Variants in EIF2D observed in about 807,000 individuals in gnomAD.
The protein encoded by EIF2D is eukaryotic translation initiation factor 2D.
Under a neutral mutation model 77.4 loss-of-function variants are expected in EIF2D, and 56 were observed. The observed-to-expected ratio is 0.72, with a 90% CI of 0.58 to 0.90. EIF2D has a LOEUF of 0.90. Among genes scored for constraint, EIF2D ranks in the 40% least tolerant of loss-of-function variants. EIF2D has a pLI of 0.00. For synonymous variants in EIF2D, 230 were observed against 271.0 expected (o/e 0.85, Z 1.49); for missense variants, 574 against 706.5 (o/e 0.81, Z 2.13).
intron 4 of EIF2D, among the ~76,000 whole-genome samples, chr1:206,607,652 T>A (rs994198790): frequency 1.2e-4 from 18 of 151,598 alleles, no homozygotes; most frequent in Admixed American, 1.2e-3. Context: ...GATAATGATA[T>A]GCATATAGGG....
chr1:206,611,806 G>T (rs923251048), intron 1 of EIF2D, among the ~76,000 whole-genome samples: 5 of 152,184 alleles, frequency 3.3e-5, no homozygotes, highest in African/African-American at 1.2e-4. Flanking sequence ...ATCTCCATTT[G>T]TGACCCTGTC....
intron 2 of EIF2D, among the ~76,000 whole-genome samples, chr1:206,581,996 C>T (rs1217765927): frequency 1.3e-5 from 2 of 152,184 alleles, no homozygotes; most frequent in Non-Finnish European, 2.9e-5. Flanking sequence ...AGAGTCATCC[C>T]TCACTGGGCC....
At chr1:206,580,420 TCAGAGA>T in intron 4 of EIF2D, among the ~76,000 whole-genome samples, 1 of 152,278 alleles carries the variant, frequency 6.6e-6, no homozygotes, top group Middle Eastern at 3.4e-3. Context: ...CCTACATGCG[TCAGAGA>T]CAGAGTGAGT....
rs1553410378 is a variant in EIF2D at position 206,597,199 on chromosome 1, A to C, written c.1293-4T>G. 6.2e-7 allele frequency: 1 copy of C among 1,609,470 alleles called. No homozygotes were observed. Among genetic ancestry groups the C allele is most frequent in the Non-Finnish European group, 8.5e-7 (1 of 1,175,946 alleles). On this transcript the variant is annotated splice_polypyrimidine_tract_variant and splice_region_variant and intron_variant, in intron 11 of 14. Transcript: ENST00000271764. ...GATGGGATCCAATCTCACAAGACTAAAGGGAAAGAAGAGGCAATGAAGAAA... is the reference window on the plus strand; with the variant it reads ...GATGGGATCCAATCTCACAAGACTACAGGGAAAGAAGAGGCAATGAAGAAA...
chr1:206,582,650 C>T (rs993826671), intron 2 of EIF2D, among the ~76,000 whole-genome samples: 1 of 152,218 alleles, frequency 6.6e-6, no homozygotes, highest in Non-Finnish European at 1.5e-5. Flanking sequence ...CCAGTTCACT[C>T]GTTCATTTGA....
At position 206,593,619 on chromosome 1, in the gene EIF2D, C is replaced by T. The variant is rs782467360; in HGVS notation, c.1684G>A (p.Glu562Lys). The change falls in exon 14 of 15, where the codon GAA becomes AAA. Residue 562 changes from glutamate (E) to lysine (K), a missense_variant and splice_region_variant. Transcript: ENST00000271764. The stretch of plus-strand genomic sequence containing the variant: ...TCCACTCTTCAGAGGGGATGCTCAC[C>T]AAGCAATAGCCAGCCGAGGTGGTGG... ...QVHHLGWLLL[E>K]EYQLPRKHIQ... 1.2e-6 allele frequency: 2 copies of T among 1,602,406 alleles called. No homozygotes were observed. The highest frequency in any genetic ancestry group is 1.7e-6 in the Non-Finnish European group (2 of 1,171,876).
chr1:206,583,098 C>T, intron 2 of EIF2D: 1 of 561,544 alleles, frequency 1.8e-6, no homozygotes, highest in East Asian at 3.1e-5. Context: ...GACACTGGCA[C>T]AGCTGCAATT....
intron 2 of EIF2D, 71 bp downstream of exon 2, chr1:206,611,113 G>C (rs1356001306): frequency 7.1e-7 from 1 of 1,414,998 alleles, no homozygotes; most frequent in Non-Finnish European, 9.6e-7. Context: ...GACAATGGAA[G>C]AAACAGAGAG....
Position 206,597,542 on chromosome 1 carries a change from T to C in EIF2D, c.1293-347A>G, listed in dbSNP as rs148895338. On this transcript the variant is annotated intron_variant, in intron 11 of 14. Coordinates refer to ENST00000271764, the MANE Select transcript of EIF2D (RefSeq NM_006893.3). The stretch of plus-strand genomic sequence containing the variant: ...CTTTAAAATGAAGGTGTTGGCCAGG[T>C]GCAGTGGCTCACGCCTGTAATCCCA... Among the ~76,000 whole-genome samples the C allele has an allele frequency of 7.3e-3, 1,112 of 152,232 alleles. 13 individuals are homozygous for C. The highest frequency in any genetic ancestry group is 0.025 in the African/African-American group (1,053 of 41,540).
At position 206,599,733 on chromosome 1, in the gene EIF2D, C is replaced by T; in HGVS notation, c.1052G>A (p.Arg351Lys). ...ACAGTGACAGGCCCCCTGCACTCAC[C>T]TCGGGTGTTTCCAGTCCACAGCCAC... is the stretch of plus-strand genomic sequence containing the variant. ...SIVAVDWKHP[R>K]ITSFVIPEPS... The change falls in exon 9 of 15, where the codon AGG becomes AAG. Residue 351 changes from arginine (R) to lysine (K), a missense_variant and splice_region_variant. Coordinates refer to ENST00000271764, the MANE Select transcript of EIF2D (RefSeq NM_006893.3). This position sits in a 1 kb window ranked among gnomAD's most constrained non-coding sequence, Gnocchi z 4.1. 1 of 1,614,178 alleles carries T rather than the reference C, an allele frequency of 6.2e-7. No individual in the cohort carries two copies. Among genetic ancestry groups the T allele is most frequent in the South Asian group, 1.1e-5 (1 of 91,080 alleles).
In EIF2D at chr1:206,609,351, C is replaced by A. The variant is rs1295369933; in HGVS notation, c.331+25G>T. ...TTGCTAAGTAGGTTTCAGCCAATAG[C>A]CAGAATATAGGAGAATCCTCTTACC... On this transcript the variant is annotated intron_variant, in intron 3 of 14. Coordinates refer to ENST00000271764, the MANE Select transcript of EIF2D (RefSeq NM_006893.3). 5.0e-6 allele frequency: 8 copies of A among 1,605,642 alleles called. No homozygotes were observed. In the African/African-American group the frequency reaches 9.4e-5, roughly 19 times the overall value.
chr1:206,605,948 A>T (rs1553412597), intron 4 of EIF2D, among the ~76,000 whole-genome samples: 1 of 152,228 alleles, frequency 6.6e-6, no homozygotes, highest in Admixed American at 6.5e-5. Flanking sequence ...GGGATGCCAT[A>T]GGGAAGAGAG....
At chr1:206,609,537 G>C in intron 2 of EIF2D, 78 bp from the exon 3 acceptor site, 1 of 1,196,120 alleles carries the variant, frequency 8.4e-7, no homozygotes, top group Non-Finnish European at 1.2e-6. Flanking sequence ...TAACACTATG[G>C]TCACTTTAAT....
chr1:206,583,502 T>G, intron 2 of EIF2D: 1 of 693,698 alleles, frequency 1.4e-6, no homozygotes, highest in South Asian at 1.6e-5. Flanking sequence ...TCCTCCGGCC[T>G]CCAGAGGCCT....
chr1:206,580,145 G>T lies in EIF2D; in HGVS notation c.*254+547C>A, dbSNP rs76883887. Among the ~76,000 whole-genome samples the T allele has an allele frequency of 8.9e-3, 1,360 of 152,328 alleles. 18 individuals are homozygous for T. Among genetic ancestry groups the T allele is most frequent in the African/African-American group, 0.031 (1,293 of 41,556 alleles). On this transcript the variant is annotated intron_variant and NMD_transcript_variant, in intron 4 of 5. Coordinates refer to the EIF2D transcript ENST00000472709. ...GCGTCACTTCCCCGCGTTTGTGGTG[G>T]GAAGGGGAGAGATAGATGGGTCTAT...
rs199649479 is a variant in EIF2D, at chr1:206,584,396, G to A, written c.139-3234C>T. ...ATGCCCCCGCTGGCAGAGTGAAGAC[G>A]GCACCTACACGGGTTTCATCAAAGT... On this transcript the variant is annotated intron_variant and NMD_transcript_variant, in intron 2 of 5. Coordinates refer to the EIF2D transcript ENST00000472709. The surrounding 1 kb of genome is among the most constrained non-coding windows in gnomAD (Gnocchi z 4.9). 2.5e-5 allele frequency: 40 copies of A among 1,611,382 alleles called. No individual in the cohort carries two copies. Among genetic ancestry groups the A allele is most frequent in the Non-Finnish European group, 2.5e-5 (30 of 1,178,192 alleles).
rs142662079 is a variant in EIF2D at position 206,578,526 on chromosome 1, T to C, written c.*254+2166A>G. ...AGAGCTTGACAAATAAAGTGACTTC[T>C]GATGGGCAAACAGGTGTGAGATGAT... On this transcript the variant is annotated intron_variant and NMD_transcript_variant, in intron 4 of 5. Coordinates refer to the EIF2D transcript ENST00000472709. 3.9e-3 allele frequency among the ~76,000 whole-genome samples: 589 copies of C among 152,298 alleles called. 3 individuals are homozygous for C. Among genetic ancestry groups the C allele is most frequent in the Non-Finnish European group, 6.0e-3 (411 of 68,020 alleles).
rs6660116 is a variant in EIF2D, at chr1:206,575,854, C to T, written c.*255-3155G>A. Among the ~76,000 whole-genome samples the T allele has an allele frequency of 8.5e-5, 13 of 152,144 alleles. 1 individual carries two copies. In the South Asian group the frequency reaches 1.7e-3, roughly 19 times the overall value. Reference sequence around the variant, plus strand: ...GCTAGCTGCCAAGAGCTGAGCCACACGGCTAACGCCAAAGTCCAAAGCCTG... The same window carrying T: ...GCTAGCTGCCAAGAGCTGAGCCACATGGCTAACGCCAAAGTCCAAAGCCTG... On this transcript the variant is annotated intron_variant and NMD_transcript_variant, in intron 4 of 5. Transcript: ENST00000472709.
downstream of EIF2D, chr1:206,587,209 T>C (rs1669153471): frequency 3.9e-6 from 2 of 509,694 alleles, no homozygotes; most frequent in South Asian, 2.0e-5. Context: ...TCAGAACTCA[T>C]GTGAAACAAA....
Sources: gnomAD v4.1 joint callset for allele counts (sites outside exome capture counted in the v4.1 genomes callset) on GRCh38, gnomAD v4.1.1 for gene constraint, Gnocchi (gnomAD v3.1) non-coding constraint, MANE v1.5 for transcripts, NCBI Gene and HGNC (gene_info 2026-07-23, HGNC 2026-07-21) for gene names.